Variants in MAP3K3 observed in about 807,000 individuals in gnomAD.
MAP3K3 encodes mitogen-activated protein kinase kinase kinase 3.
A neutral mutation model predicts 80.9 loss-of-function variants in MAP3K3; 12 were observed. The ratio of observed to expected loss-of-function variants is 0.15; its 90% CI spans 0.10 to 0.24. The LOEUF (loss-of-function observed/expected upper bound fraction) is 0.24, where lower values mean the gene tolerates loss of function less well. Ranked by LOEUF, MAP3K3 falls within the 10% of genes least tolerant of loss-of-function variation. The pLI is 1.00. For synonymous variants in MAP3K3, 272 were observed against 307.1 expected, an observed-to-expected ratio of 0.89 and a Z score of 1.19; for missense variants, 596 against 834.7, an observed-to-expected ratio of 0.71 and a Z score of 3.52.
At chr17:63,690,510 C>T in intron 12 of MAP3K3, 98 bp downstream of exon 12, 1 of 1,330,842 alleles carries the variant, frequency 7.5e-7, no homozygotes, top group South Asian at 1.4e-5. Context: ...TAGGTTGCTT[C>T]CTCTGTCATT....
chr17:63,646,202 G>C, intron 3 of MAP3K3, 128 bp downstream of exon 3: 1 of 778,404 alleles, frequency 1.3e-6, no homozygotes, highest in Admixed American at 2.1e-5. Flanking sequence ...AGGGTGGATT[G>C]GGCATAAAGG....
intron 1 of MAP3K3, among the ~76,000 whole-genome samples, chr17:63,627,936 T>G (rs1315157527): frequency 6.6e-6 from 1 of 150,934 alleles, no homozygotes; most frequent in African/African-American, 2.4e-5. Flanking sequence ...ACAGAGTCTC[T>G]ACTCTGTCGC....
At chr17:63,684,569 T>C (rs1173499748) in intron 7 of MAP3K3, among the ~76,000 whole-genome samples, 1 of 152,194 alleles carries the variant, frequency 6.6e-6, no homozygotes, top group Admixed American at 6.5e-5. Flanking sequence ...GGAAAAAATA[T>C]TTGAGTTGGA....
rs1162103729 is a variant in MAP3K3 at position 63,666,973 on chromosome 17, C to G, written c.415C>G (p.Gln139Glu). The change falls in exon 6 of 16, where the codon CAG (glutamine) becomes GAG (glutamate). Residue 139 changes from glutamine (Q) to glutamate (E), a missense_variant. Physicochemically the swap from Gln to Glu is conservative, Grantham distance 29 (BLOSUM62 2). Around this residue, in one of 2 missense-constraint regions of MAP3K3, gnomAD observed 232 missense variants for 245.8 expected, o/e 0.94. Transcript: ENST00000361733. ...SSSPHSGVSR[Q>E]VRIKASQSAG... ...CTCTCCCCACTCTGGGGTGTCCAGA[C>G]AGGTGCGGATCAAGGCTTCCCAGTC... 1.2e-6 allele frequency: 2 copies of G among 1,613,316 alleles called. No individual in the cohort carries two copies. The highest frequency in any genetic ancestry group is 1.7e-6 in the Non-Finnish European group (2 of 1,179,888).
chr17:63,681,993 G>A, intron 7 of MAP3K3, 94 bp downstream of exon 7: 1 of 1,144,308 alleles, frequency 8.7e-7, no homozygotes. Flanking sequence ...CAGAACTGAG[G>A]GACATGAACC....
At position 63,691,254 on chromosome 17, in the gene MAP3K3, T is replaced by C. The variant is rs781003567; in HGVS notation, c.1344+21T>C. On this transcript the variant is annotated intron_variant, in intron 13 of 15. Coordinates refer to ENST00000361733, the MANE Select transcript of MAP3K3 (RefSeq NM_002401.5). The surrounding 1 kb of genome is among the most constrained non-coding windows in gnomAD (Gnocchi z 4.8). Reference sequence around the variant, plus strand: ...CAGGGGTACGTGCCCCTTGAATGCATGTGAGACACACACAAAAGAGGGCCT... The same window carrying C: ...CAGGGGTACGTGCCCCTTGAATGCACGTGAGACACACACAAAAGAGGGCCT... 45 of 1,613,900 alleles carry C rather than the reference T, an allele frequency of 2.8e-5. No individual in the cohort carries two copies. Among genetic ancestry groups the C allele is most frequent in the Non-Finnish European group, 3.5e-5 (41 of 1,179,978 alleles).
Position 63,657,872 on chromosome 17 carries a change from C to T in MAP3K3, c.346C>T (p.Leu116Phe). Residue 116 changes from leucine to phenylalanine, a missense_variant, in exon 5 of 16, where the codon CTT (leucine) becomes TTT (phenylalanine). Coordinates refer to ENST00000361733, the MANE Select transcript of MAP3K3 (RefSeq NM_002401.5). ...AGATAGAAGCTCAAGCATGAAAAGC[C>T]TTAGGATATTGCTGTTGTCCCAGGA... ...ILDRSSSMKS[L>F]RILLLSQDRN... 6.2e-7 allele frequency: 1 copy of T among 1,606,962 alleles called. No individual in the cohort carries two copies. The highest frequency in any genetic ancestry group is 8.5e-7 in the Non-Finnish European group (1 of 1,175,184).
At chr17:63,634,185 A>G (rs1450697904) in intron 2 of MAP3K3, among the ~76,000 whole-genome samples, 1 of 152,124 alleles carries the variant, frequency 6.6e-6, no homozygotes, top group African/African-American at 2.4e-5. Flanking sequence ...ATTTGTATTC[A>G]AAGCCACTTT....
In MAP3K3 at chr17:63,681,831, G is replaced by T; in HGVS notation, c.568G>T (p.Ala190Ser). The change falls in exon 7 of 16, where the codon GCC becomes TCC. Residue 190 changes from alanine (A) to serine (S), a missense_variant. Ala to Ser is a moderately conservative substitution (Grantham distance 99). Around this residue, in one of 2 missense-constraint regions of MAP3K3, gnomAD observed 232 missense variants for 245.8 expected, o/e 0.94. Coordinates refer to ENST00000361733, the MANE Select transcript of MAP3K3 (RefSeq NM_002401.5). ...TGTTCCTGAGCGGCAGCAGCACATT[G>T]CCCGGCAGGGGTCCTACACCAGCAT... ...GYVPERQQHI[A>S]RQGSYTSINS... 1.3e-6 allele frequency: 2 copies of T among 1,548,940 alleles called. No homozygotes were observed. Among genetic ancestry groups the T allele is most frequent in the Non-Finnish European group, 1.7e-6 (2 of 1,143,294 alleles).
At chr17:63,681,232 G>C (rs1060465) in intron 6 of MAP3K3, among the ~76,000 whole-genome samples, 2 of 151,944 alleles carry the variant, frequency 1.3e-5, no homozygotes, top group East Asian at 3.9e-4. Context: ...CTTTTTACCT[G>C]ATACAAGTAG....
At chr17:63,687,155 C>T (rs567582686) in intron 8 of MAP3K3, among the ~76,000 whole-genome samples, 1 of 149,582 alleles carries the variant, frequency 6.7e-6, no homozygotes, top group African/African-American at 2.5e-5. Flanking sequence ...CACCTGAGGT[C>T]AGGAGTTTGA....
Position 63,689,245 on chromosome 17 carries a change from T to A in MAP3K3, c.872-299T>A. 2 of 528,012 alleles carry A rather than the reference T, an allele frequency of 3.8e-6. No individual in the cohort carries two copies. Among genetic ancestry groups the A allele is most frequent in the Non-Finnish European group, 6.8e-6 (2 of 296,018 alleles). 32.7% of individuals were successfully genotyped at this position (528,012 alleles called of 1,614,324 possible). On this transcript the variant is annotated intron_variant, in intron 10 of 15. Transcript: ENST00000361733. This position sits in a 1 kb window ranked among gnomAD's most constrained non-coding sequence, Gnocchi z 4.3. ...GGGTGTGGCTTGGCCTTGCAAGCAA[T>A]TGGGAGCCTGTTGGCCAGCCATACA...
At chr17:63,663,406 G>A (rs1418034049) in intron 5 of MAP3K3, among the ~76,000 whole-genome samples, 1 of 152,062 alleles carries the variant, frequency 6.6e-6, no homozygotes, top group Non-Finnish European at 1.5e-5. Flanking sequence ...GGAGGCTGAG[G>A]CAGGAGAATT....
chr17:63,659,704 TG>T (rs1211368871), intron 5 of MAP3K3, among the ~76,000 whole-genome samples: 1 of 151,848 alleles, frequency 6.6e-6, no homozygotes, highest in African/African-American at 2.4e-5. Flanking sequence ...CGCTAATTTT[TG>T]TATTTTTAGT....
At chr17:63,662,806 C>T (rs1198497057) in intron 5 of MAP3K3, among the ~76,000 whole-genome samples, 5 of 151,536 alleles carry the variant, frequency 3.3e-5, no homozygotes, top group African/African-American at 4.9e-5. Flanking sequence ...TACAGGCGTG[C>T]GCCACTACGC....
At chr17:63,662,234 T>C (rs1198543973) in intron 5 of MAP3K3, among the ~76,000 whole-genome samples, 3 of 145,884 alleles carry the variant, frequency 2.1e-5, no homozygotes, top group South Asian at 4.4e-4. Flanking sequence ...GGCGAAACCC[T>C]GTCTCTATTG....
At chr17:63,623,101 C>T (rs1423099989) in intron 1 of MAP3K3, among the ~76,000 whole-genome samples, 2 of 151,996 alleles carry the variant, frequency 1.3e-5, no homozygotes, top group African/African-American at 4.8e-5. Context: ...AGCCCGAGGG[C>T]GGGGGAGCAA....
In MAP3K3 at chr17:63,693,719, G is replaced by A. The variant is rs201464511; in HGVS notation, c.1823G>A (p.Arg608His). Residue 608 changes from arginine to histidine, a missense_variant, in exon 16 of 16, where the codon CGC becomes CAC. By Grantham distance (29) the Arg-to-His change is conservative. Around this residue, in one of 2 missense-constraint regions of MAP3K3, gnomAD observed 364 missense variants for 588.9 expected, o/e 0.62. Transcript: ENST00000361733. This position sits in a 1 kb window ranked among gnomAD's most constrained non-coding sequence, Gnocchi z 4.2. ...CTGAGGCGCATTTTTGTGGAGGCTC[G>A]CCAGAGACCTTCAGCTGAGGAGCTG... ...DFLRRIFVEA[R>H]QRPSAEELLT... The A allele has an allele frequency of 9.4e-6, 15 of 1,602,806 alleles. No individual in the cohort carries two copies. The highest frequency in any genetic ancestry group is 5.4e-5 in the African/African-American group (4 of 74,648).
chr17:63,642,582 C>A (rs996976920), intron 2 of MAP3K3, among the ~76,000 whole-genome samples: 1 of 151,994 alleles, frequency 6.6e-6, no homozygotes, highest in African/African-American at 2.4e-5. Flanking sequence ...CACTTGAACC[C>A]AGGAGACAGA....
Sources: allele counts gnomAD v4.1 joint callset (sites outside exome capture counted in the v4.1 genomes callset), GRCh38; gene constraint gnomAD v4.1.1; regional missense constraint gnomAD v4.1.1; non-coding constraint Gnocchi (gnomAD v3.1); transcripts MANE v1.5; gene names NCBI Gene and HGNC (gene_info 2026-07-23, HGNC 2026-07-21).